Variants in SGCZ observed in about 807,000 individuals in gnomAD.
SGCZ encodes the protein sarcoglycan zeta, also known as zeta-sarcoglycan.
In SGCZ, 40 loss-of-function variants were observed where a neutral mutation model predicts 41.3. The observed-to-expected ratio is 0.97, with a 90% confidence interval of 0.75 to 1.26. SGCZ has a LOEUF of 1.26. Among genes scored for constraint, SGCZ ranks in the 50% most tolerant of loss-of-function variants. SGCZ has a pLI of 0.00. For missense variants in SGCZ, 552 were observed against 369.8 expected (o/e 1.49, Z -4.04); for synonymous variants, 206 against 137.5 (o/e 1.50, Z -3.49).
At chr8:14,356,948 A>C (rs1585401365) in intron 2 of SGCZ, among the ~76,000 whole-genome samples, 1 of 152,084 alleles carries the variant, frequency 6.6e-6, no homozygotes, top group Non-Finnish European at 1.5e-5. Context: ...TAAGAATATC[A>C]AATTCTAAAT....
intron 2 of SGCZ, among the ~76,000 whole-genome samples, chr8:14,528,519 T>G (rs1423597461): frequency 6.6e-6 from 1 of 152,104 alleles, no homozygotes; most frequent in Non-Finnish European, 1.5e-5. Flanking sequence ...ACACCTAGCT[T>G]TGTGACATTG....
chr8:14,406,096 G>A (rs531480792), intron 2 of SGCZ, among the ~76,000 whole-genome samples: 1 of 144,808 alleles, frequency 6.9e-6, no homozygotes, highest in African/African-American at 2.9e-5. Flanking sequence ...CCTACTGCTT[G>A]CTTAAGTAAA....
chr8:14,451,512 C>A (rs1466489447), intron 2 of SGCZ, among the ~76,000 whole-genome samples: 1 of 152,178 alleles, frequency 6.6e-6, no homozygotes, highest in Middle Eastern at 3.4e-3. Context: ...ATGGCCTGTT[C>A]TTTAGTTTTA....
chr8:14,606,013 C>G (rs765130723), intron 1 of SGCZ, among the ~76,000 whole-genome samples: 2 of 152,052 alleles, frequency 1.3e-5, no homozygotes, highest in African/African-American at 4.8e-5. Context: ...GTATACCTTT[C>G]TCTATGTAAG....
intron 1 of SGCZ, among the ~76,000 whole-genome samples, chr8:14,882,026 T>C (rs1370089825): frequency 6.6e-6 from 1 of 152,182 alleles, no homozygotes; most frequent in South Asian, 2.1e-4. Context: ...TTGAAACTAC[T>C]GAAAACAAAG....
At chr8:14,687,699 G>A (rs1808662150) in intron 1 of SGCZ, among the ~76,000 whole-genome samples, 2 of 151,232 alleles carry the variant, frequency 1.3e-5, no homozygotes, top group Admixed American at 1.3e-4. Context: ...TAGTCCTTTG[G>A]GTATATACCC....
intron 1 of SGCZ, among the ~76,000 whole-genome samples, chr8:14,805,864 A>C (rs1471144913): frequency 9.9e-5 from 15 of 151,458 alleles, no homozygotes; most frequent in Admixed American, 3.3e-4. Context: ...AAAGAACAGA[A>C]ATTATAACAA....
intron 5 of SGCZ, among the ~76,000 whole-genome samples, chr8:14,140,369 G>C (rs1027473755): frequency 6.6e-6 from 1 of 152,096 alleles, no homozygotes; most frequent in African/African-American, 2.4e-5. Context: ...AGGAAAAGAG[G>C]AAGTCAAACT....
chr8:15,145,502 T>G (rs1202404969), intron 1 of SGCZ, among the ~76,000 whole-genome samples: 1 of 152,214 alleles, frequency 6.6e-6, no homozygotes, highest in Non-Finnish European at 1.5e-5. Flanking sequence ...TTTCTCACCT[T>G]GTCACCTACG....
intron 1 of SGCZ, among the ~76,000 whole-genome samples, chr8:14,793,398 T>C (rs1801021502): frequency 6.6e-6 from 1 of 152,200 alleles, no homozygotes; most frequent in Non-Finnish European, 1.5e-5. Context: ...GTAGCACAGA[T>C]ACTATTAATT....
At chr8:15,133,943 C>G (rs1303662724) in intron 1 of SGCZ, among the ~76,000 whole-genome samples, 1 of 152,036 alleles carries the variant, frequency 6.6e-6, no homozygotes, top group African/African-American at 2.4e-5. Context: ...TTTCAATGTT[C>G]TGTTTTTAAT....
At chr8:15,000,698 C>T (rs1001335286) in intron 1 of SGCZ, among the ~76,000 whole-genome samples, 1 of 152,166 alleles carries the variant, frequency 6.6e-6, no homozygotes, top group African/African-American at 2.4e-5. Flanking sequence ...GGGCAACCAG[C>T]CTTCCCCACA....
At chr8:14,905,524 A>G (rs1381365863) in intron 1 of SGCZ, among the ~76,000 whole-genome samples, 1 of 152,066 alleles carries the variant, frequency 6.6e-6, no homozygotes, top group African/African-American at 2.4e-5. Context: ...CCAGTATTTG[A>G]TAAAACTGGG....
rs961318421 is a variant in SGCZ, at chr8:14,652,120, T to A, written c.40-97194A>T. On this transcript the variant is annotated intron_variant, in intron 1 of 7. Coordinates refer to ENST00000382080, the MANE Select transcript of SGCZ (RefSeq NM_139167.4). Reference sequence around the variant, plus strand: ...TGAGACGGATAGATGAATAAATGCATGATAAATTATGGTAGTGAGAAATAC... The same window carrying A: ...TGAGACGGATAGATGAATAAATGCAAGATAAATTATGGTAGTGAGAAATAC... 3.3e-5 allele frequency among the ~76,000 whole-genome samples: 5 copies of A among 151,698 alleles called. 1 individual carries two copies. In the East Asian group the frequency reaches 9.7e-4, roughly 30 times the overall value.
At chr8:14,987,936 A>G (rs746011761) in intron 1 of SGCZ, among the ~76,000 whole-genome samples, 14 of 151,968 alleles carry the variant, frequency 9.2e-5, no homozygotes, top group Non-Finnish European at 1.8e-4. Flanking sequence ...TGTCGTCTCA[A>G]TGTCAAGTAA....
intron 1 of SGCZ, among the ~76,000 whole-genome samples, chr8:14,970,468 G>T (rs1017996979): frequency 1.3e-5 from 2 of 152,140 alleles, no homozygotes; most frequent in East Asian, 1.9e-4. Context: ...TCATATTTAG[G>T]TCTATGATAC....
chr8:14,569,447 G>T (rs1248061240), intron 1 of SGCZ, among the ~76,000 whole-genome samples: 1 of 152,028 alleles, frequency 6.6e-6, no homozygotes, highest in East Asian at 1.9e-4. Flanking sequence ...TTAGCTTCAA[G>T]AAATATATTT....
intron 3 of SGCZ, among the ~76,000 whole-genome samples, chr8:14,257,556 A>G (rs1388759764): frequency 6.6e-6 from 1 of 151,860 alleles, no homozygotes; most frequent in Admixed American, 6.6e-5. Context: ...ATATGTATAC[A>G]TGTGCCATGT....
intron 1 of SGCZ, among the ~76,000 whole-genome samples, chr8:14,660,571 CAA>C (rs71304960): frequency 1.9e-4 from 13 of 67,280 alleles, no homozygotes; most frequent in Middle Eastern, 9.3e-3. Context: ...AACTCCATCT[CAA>C]AAAAAAAAAA....
Sources: allele counts gnomAD v4.1 joint callset (sites outside exome capture counted in the v4.1 genomes callset), GRCh38; gene constraint gnomAD v4.1.1; transcripts MANE v1.5; gene names NCBI Gene and HGNC (gene_info 2026-07-23, HGNC 2026-07-21).